Variants in DACH2 observed in about 807,000 individuals in gnomAD.
The protein encoded by DACH2 is dachshund family transcription factor 2.
In DACH2, 17 loss-of-function variants were observed where a neutral mutation model predicts 35.8. That is an observed-to-expected ratio of 0.48 (90% confidence interval 0.33 to 0.71). The LOEUF (loss-of-function observed/expected upper bound fraction) is 0.71. Among genes scored for constraint, DACH2 ranks in the 30% least tolerant of loss-of-function variants. DACH2 has a pLI of 0.02. For missense variants in DACH2, 469 were observed against 472.7 expected (o/e 0.99, Z 0.07); for synonymous variants, 195 against 177.3 (o/e 1.10, Z -0.79).
rs202078735 is a variant in DACH2 at position 86,814,671 on chromosome X, T to C, written c.1538-17T>C. 5.0e-6 allele frequency: 6 copies of C among 1,206,010 alleles called. No homozygotes were observed. Among genetic ancestry groups the C allele is most frequent in the Non-Finnish European group, 6.7e-6 (6 of 893,179 alleles). On this transcript the variant is annotated splice_polypyrimidine_tract_variant and intron_variant, in intron 9 of 11. Coordinates refer to ENST00000373125, the MANE Select transcript of DACH2 (RefSeq NM_053281.3). ...TTTCATTGCTCAAGTCTTTGCAAAC[T>C]ACCTTTTACATTTCAGCTACTATGC... is the stretch of plus-strand genomic sequence containing the variant.
intron 2 of DACH2, among the ~76,000 whole-genome samples, chrX:86,438,337 C>T (rs192354058): frequency 7.5e-5 from 8 of 107,182 alleles, no homozygotes; most frequent in Admixed American, 1.0e-4. Flanking sequence ...GATTCTGTTG[C>T]CTCTGCCTCC....
At chrX:86,375,025 T>A (rs1385783734) in intron 1 of DACH2, among the ~76,000 whole-genome samples, 1 of 110,263 alleles carries the variant, frequency 9.1e-6, no homozygotes, top group Non-Finnish European at 1.9e-5. Flanking sequence ...AATATACCTA[T>A]TTAACTTGTA....
At chrX:86,526,888 T>A (rs2038642130) in intron 3 of DACH2, among the ~76,000 whole-genome samples, 1 of 110,255 alleles carries the variant, frequency 9.1e-6, no homozygotes. Context: ...TGACATTTCC[T>A]TTCTCAGTAG....
intron 1 of DACH2, among the ~76,000 whole-genome samples, chrX:86,294,789 C>T (rs1395320164): frequency 9.2e-6 from 1 of 109,013 alleles, no homozygotes; most frequent in Non-Finnish European, 1.9e-5. Context: ...CTCAGATCTC[C>T]AGCTGCGTGC....
At chrX:86,172,653 T>G (rs766560786) in intron 1 of DACH2, among the ~76,000 whole-genome samples, 1 of 112,235 alleles carries the variant, frequency 8.9e-6, no homozygotes, top group South Asian at 3.7e-4. Flanking sequence ...TCTTGAATGA[T>G]GGGCTTGAGC....
chrX:86,446,315 C>T (rs1224060925), intron 2 of DACH2, among the ~76,000 whole-genome samples: 6 of 76,653 alleles, frequency 7.8e-5, no homozygotes, highest in Admixed American at 1.6e-4. Flanking sequence ...TTATTATACT[C>T]TAAGTTTTAG....
intron 7 of DACH2, among the ~76,000 whole-genome samples, chrX:86,749,481 G>T (rs2041749205): frequency 9.0e-6 from 1 of 111,533 alleles, no homozygotes. Flanking sequence ...CAGAGGAAGA[G>T]AAATGGGGGG....
intron 2 of DACH2, among the ~76,000 whole-genome samples, chrX:86,438,660 T>C (rs1264833698): frequency 1.8e-5 from 2 of 112,532 alleles, no homozygotes; most frequent in East Asian, 2.8e-4. Flanking sequence ...GCAATGAACA[T>C]AGACATGCAT....
intron 2 of DACH2, among the ~76,000 whole-genome samples, chrX:86,456,436 C>T (rs974840976): frequency 1.8e-5 from 2 of 111,732 alleles, no homozygotes; most frequent in Non-Finnish European, 3.8e-5. Context: ...TTTGAAATAA[C>T]ACTATATCAT....
At chrX:86,262,020 C>T (rs1000872109) in intron 1 of DACH2, among the ~76,000 whole-genome samples, 1 of 110,678 alleles carries the variant, frequency 9.0e-6, no homozygotes, top group Non-Finnish European at 1.9e-5. Context: ...GTGGCTCATA[C>T]CAGTAATCCC....
intron 1 of DACH2, among the ~76,000 whole-genome samples, chrX:86,367,398 C>T (rs939207740): frequency 3.6e-5 from 4 of 111,400 alleles, no homozygotes; most frequent in African/African-American, 1.3e-4. Context: ...AGCTGAATAC[C>T]TCTAACAGGC....
chrX:86,165,337 A>G (rs376278845), intron 1 of DACH2, among the ~76,000 whole-genome samples: 1 of 111,490 alleles, frequency 9.0e-6, no homozygotes, highest in South Asian at 3.7e-4. Context: ...TCTTTTGTGT[A>G]TATACTCTGC....
intron 1 of DACH2, among the ~76,000 whole-genome samples, chrX:86,174,246 C>T (rs1431984772): frequency 9.3e-6 from 1 of 107,770 alleles, no homozygotes; most frequent in Non-Finnish European, 1.9e-5. Flanking sequence ...CCTCAGCCTC[C>T]TGAGTAGCTG....
intron 3 of DACH2, among the ~76,000 whole-genome samples, chrX:86,640,311 T>A (rs1056699018): frequency 1.8e-5 from 2 of 110,875 alleles, no homozygotes; most frequent in Non-Finnish European, 3.8e-5. Context: ...ACCCCCAGAC[T>A]AATGAAGAAG....
chrX:86,295,244 C>T (rs1050980685), intron 1 of DACH2, among the ~76,000 whole-genome samples: 13 of 112,533 alleles, frequency 1.2e-4, no homozygotes, highest in Admixed American at 1.9e-4. Flanking sequence ...CCTTGTGCTT[C>T]CCAAGTGAGG....
intron 1 of DACH2, among the ~76,000 whole-genome samples, chrX:86,349,526 G>A (rs2035555949): frequency 8.9e-6 from 1 of 112,348 alleles, no homozygotes; most frequent in African/African-American, 3.2e-5. Flanking sequence ...CAGAAATGGA[G>A]CCCTCGCCAG....
intron 11 of DACH2, among the ~76,000 whole-genome samples, chrX:86,820,520 G>T (rs1269286364): frequency 4.6e-5 from 5 of 109,031 alleles, no homozygotes; most frequent in Non-Finnish European, 7.6e-5. Flanking sequence ...TAAGAGTACA[G>T]ACTGGCCATT....
At chrX:86,194,888 A>T in intron 1 of DACH2, among the ~76,000 whole-genome samples, 1 of 112,529 alleles carries the variant, frequency 8.9e-6, no homozygotes, top group Non-Finnish European at 1.9e-5. Context: ...GGCCGACTTG[A>T]GCATCCCTTG....
intron 11 of DACH2, among the ~76,000 whole-genome samples, chrX:86,817,914 C>T (rs1479784845): frequency 8.9e-6 from 1 of 111,881 alleles, no homozygotes; most frequent in African/African-American, 3.2e-5. Flanking sequence ...ATAAGTTCTA[C>T]AAGTTTTTAC....
Sources: allele counts gnomAD v4.1 joint callset (sites outside exome capture counted in the v4.1 genomes callset), GRCh38; gene constraint gnomAD v4.1.1; transcripts MANE v1.5; gene names NCBI Gene and HGNC (gene_info 2026-07-23, HGNC 2026-07-21).